The following L3MBTL4 variants were observed in gnomAD, a reference collection of about 807,000 sequenced individuals.
The protein encoded by L3MBTL4 is lethal(3)malignant brain tumor-like protein 4.
L3MBTL4 carries 70 observed loss-of-function variants against 84.5 expected under a neutral mutation model. That is an observed-to-expected ratio of 0.83 (90% CI 0.68 to 1.01). L3MBTL4 has a LOEUF of 1.01. Among genes scored for constraint, L3MBTL4 ranks in the 50% least tolerant of loss-of-function variants. L3MBTL4 has a pLI of 0.00. For missense variants in L3MBTL4, 715 were observed against 754.8 expected, an observed-to-expected ratio of 0.95 and a Z score of 0.62; for synonymous variants, 274 against 259.8, an observed-to-expected ratio of 1.05 and a Z score of -0.52.
At chr18:6,114,269 C>A (rs2059289584) in intron 14 of L3MBTL4, among the ~76,000 whole-genome samples, 1 of 152,118 alleles carries the variant, frequency 6.6e-6, no homozygotes, top group South Asian at 2.1e-4. Flanking sequence ...CCTTCCCTGC[C>A]ACCTTCTTAT....
At chr18:6,051,611 G>A (rs1454371895) in intron 16 of L3MBTL4, among the ~76,000 whole-genome samples, 1 of 152,182 alleles carries the variant, frequency 6.6e-6, no homozygotes, top group Non-Finnish European at 1.5e-5. Flanking sequence ...AGATTCAGTG[G>A]ATGATTGCGG....
At chr18:6,289,144 G>A (rs930928884) in intron 4 of L3MBTL4, among the ~76,000 whole-genome samples, 2 of 151,994 alleles carry the variant, frequency 1.3e-5, no homozygotes, top group African/African-American at 4.8e-5. Context: ...CTGAGGATTG[G>A]GGAAAATGAT....
At chr18:6,215,318 GA>G (rs1345021639) in intron 11 of L3MBTL4, among the ~76,000 whole-genome samples, 2 of 152,188 alleles carry the variant, frequency 1.3e-5, no homozygotes, top group African/African-American at 4.8e-5. Context: ...AATGCTGAAA[GA>G]AAGGTTTACC....
chr18:6,408,922 C>A (rs1436005823), intron 1 of L3MBTL4, among the ~76,000 whole-genome samples: 3 of 152,126 alleles, frequency 2.0e-5, no homozygotes, highest in Non-Finnish European at 4.4e-5. Context: ...GGCAATCCAC[C>A]CTCCTCGGCC....
intron 18 of L3MBTL4, among the ~76,000 whole-genome samples, chr18:5,959,526 C>G (rs2095251461): frequency 1.3e-5 from 2 of 152,090 alleles, no homozygotes; most frequent in African/African-American, 4.8e-5. Context: ...CAGTACATTC[C>G]CAACCAAGAG....
chr18:6,237,905 A>G, intron 10 of L3MBTL4, 59 bp downstream of exon 10: 1 of 1,285,922 alleles, frequency 7.8e-7, no homozygotes, highest in Non-Finnish European at 1.1e-6. Context: ...ACAAAATAAA[A>G]ATGAGGACTG....
chr18:6,127,287 A>T (rs2059724468), intron 14 of L3MBTL4, among the ~76,000 whole-genome samples: 1 of 152,152 alleles, frequency 6.6e-6, no homozygotes, highest in Non-Finnish European at 1.5e-5. Flanking sequence ...AAACATTATA[A>T]ATTATGAATT....
intron 14 of L3MBTL4, among the ~76,000 whole-genome samples, chr18:6,099,388 T>C (rs936462643): frequency 1.3e-5 from 2 of 151,388 alleles, no homozygotes; most frequent in African/African-American, 2.4e-5. Context: ...CTGACTGAAA[T>C]TGTTGCTAAT....
chr18:6,362,901 T>C, intron 1 of L3MBTL4, among the ~76,000 whole-genome samples: 1 of 152,214 alleles, frequency 6.6e-6, no homozygotes, highest in South Asian at 2.1e-4. Context: ...GAGAAGGAAG[T>C]GTGGGCGCAT....
At chr18:5,990,949 T>C (rs2053669564) in intron 16 of L3MBTL4, among the ~76,000 whole-genome samples, 1 of 152,170 alleles carries the variant, frequency 6.6e-6, no homozygotes, top group African/African-American at 2.4e-5. Flanking sequence ...TCCTCTCTGA[T>C]TCACTCATCT....
intron 5 of L3MBTL4, among the ~76,000 whole-genome samples, chr18:6,249,132 C>T (rs1403417702): frequency 6.6e-6 from 1 of 152,154 alleles, no homozygotes; most frequent in East Asian, 1.9e-4. Flanking sequence ...TGTGTGACTA[C>T]CTCCTGTTCA....
chr18:6,179,873 A>G (rs1326059815), intron 12 of L3MBTL4, among the ~76,000 whole-genome samples: 2 of 152,150 alleles, frequency 1.3e-5, no homozygotes, highest in Non-Finnish European at 2.9e-5. Context: ...CCTGTTCTCA[A>G]GTGATCCTCC....
chr18:6,237,516 C>T (rs1473824633), intron 10 of L3MBTL4, among the ~76,000 whole-genome samples: 1 of 129,242 alleles, frequency 7.7e-6, no homozygotes, highest in African/African-American at 3.0e-5. Flanking sequence ...TGTGCAGTGA[C>T]ACGATCTCGG....
At chr18:5,958,130 A>AAGAAG (rs1555616536) in intron 18 of L3MBTL4, among the ~76,000 whole-genome samples, 13 of 31,864 alleles carry the variant, frequency 4.1e-4, no homozygotes, top group Admixed American at 6.6e-4. Context: ...AGAAGAAGAA[A>AAGAAG]AAGAAGAAGA....
At chr18:6,021,654 C>G (rs1270893185) in intron 16 of L3MBTL4, among the ~76,000 whole-genome samples, 1 of 152,160 alleles carries the variant, frequency 6.6e-6, no homozygotes, top group Non-Finnish European at 1.5e-5. Flanking sequence ...AGGGAAGACA[C>G]TGATCCTTGG....
chr18:6,017,636 G>C (rs1205997673), intron 16 of L3MBTL4: 1 of 152,234 alleles, frequency 6.6e-6, no homozygotes, highest in African/African-American at 2.4e-5. Flanking sequence ...ATATCATGCA[G>C]AGAGTGCACA....
At chr18:6,261,056 C>A (rs1178821015) in intron 5 of L3MBTL4, 3 of 152,236 alleles carry the variant, frequency 2.0e-5, no homozygotes, top group Non-Finnish European at 4.4e-5. Flanking sequence ...GCTTAATTCT[C>A]TCTGCATTCA....
chr18:6,041,563 C>T (rs2056401631), intron 16 of L3MBTL4, among the ~76,000 whole-genome samples: 1 of 150,614 alleles, frequency 6.6e-6, no homozygotes, highest in Admixed American at 6.6e-5. Flanking sequence ...GGAAGAGCCT[C>T]ACTACCTGCT....
chr18:6,116,254 G>A (rs2059355246), intron 14 of L3MBTL4, among the ~76,000 whole-genome samples: 1 of 152,108 alleles, frequency 6.6e-6, no homozygotes, highest in Non-Finnish European at 1.5e-5. Flanking sequence ...TGTAACCAGA[G>A]TCATGTGACA....
Sources: gnomAD v4.1 joint callset for allele counts (sites outside exome capture counted in the v4.1 genomes callset) on GRCh38, gnomAD v4.1.1 for gene constraint, MANE v1.5 for transcripts, NCBI Gene and HGNC (gene_info 2026-07-23, HGNC 2026-07-21) for gene names.